Variants in MLLT3 observed in about 807,000 individuals in gnomAD.
MLLT3 encodes the protein protein AF-9.
In MLLT3, 4 loss-of-function variants were observed where a neutral mutation model predicts 53.2. That is an observed-to-expected ratio of 0.08 (90% CI 0.04 to 0.17). The LOEUF (loss-of-function observed/expected upper bound fraction) is 0.17, where lower values mean the gene tolerates loss of function less well. Ranked by LOEUF, MLLT3 falls within the 10% of genes least tolerant of loss-of-function variation. The pLI is 1.00. For missense variants in MLLT3, 569 were observed against 684.0 expected (o/e 0.83, Z 1.87); for synonymous variants, 283 against 230.6 (o/e 1.23, Z -2.06).
At chr9:20,447,053 A>T (rs1055882453) in intron 4 of MLLT3, among the ~76,000 whole-genome samples, 5 of 152,166 alleles carry the variant, frequency 3.3e-5, no homozygotes, top group African/African-American at 9.7e-5. Context: ...GAACTCAAAA[A>T]ATGGGGTCCA....
chr9:20,547,139 AAT>A (rs1277963670), intron 2 of MLLT3, among the ~76,000 whole-genome samples: 1 of 152,144 alleles, frequency 6.6e-6, no homozygotes, highest in Non-Finnish European at 1.5e-5. Context: ...ATATACCAAA[AAT>A]AGTTCCACTT....
At chr9:20,566,302 C>CA (rs1190331009) in intron 2 of MLLT3, among the ~76,000 whole-genome samples, 2 of 150,172 alleles carry the variant, frequency 1.3e-5, no homozygotes, top group African/African-American at 2.4e-5. Context: ...GACTCCATCT[C>CA]AAAAAAAAGA....
At chr9:20,411,121 C>G (rs796408944) in intron 5 of MLLT3, 43 of 152,578 alleles carry the variant, frequency 2.8e-4, no homozygotes, top group African/African-American at 9.6e-4. Context: ...TGGGCCTGCC[C>G]CAAGCCACCA....
chr9:20,361,738 T>C (rs748115047), intron 7 of MLLT3, among the ~76,000 whole-genome samples: 11 of 152,240 alleles, frequency 7.2e-5, no homozygotes, highest in Admixed American at 2.0e-4. Context: ...TTATTTATTC[T>C]ACTGTGCTGA....
chr9:20,370,469 T>C (rs2118666481), intron 5 of MLLT3, among the ~76,000 whole-genome samples: 2 of 151,876 alleles, frequency 1.3e-5, no homozygotes, highest in Middle Eastern at 3.4e-3. Flanking sequence ...CAATTAATAA[T>C]CCTACAATGG....
intron 5 of MLLT3, among the ~76,000 whole-genome samples, chr9:20,369,760 C>A (rs937799765): frequency 2.7e-4 from 41 of 152,082 alleles, no homozygotes; most frequent in Middle Eastern, 3.4e-3. Flanking sequence ...TCTACACACA[C>A]AAAAAAATCA....
At chr9:20,491,539 G>C (rs1456831417) in intron 2 of MLLT3, among the ~76,000 whole-genome samples, 3 of 152,076 alleles carry the variant, frequency 2.0e-5, no homozygotes, top group African/African-American at 7.2e-5. Flanking sequence ...ACATGCAATG[G>C]CTATAGAAGA....
intron 2 of MLLT3, among the ~76,000 whole-genome samples, chr9:20,549,275 A>G (rs1322013905): frequency 1.3e-5 from 2 of 152,220 alleles, no homozygotes; most frequent in Non-Finnish European, 2.9e-5. Flanking sequence ...TGTGTGAGCC[A>G]AAACACTGGA....
chr9:20,406,637 A>T (rs1163296514), intron 5 of MLLT3, among the ~76,000 whole-genome samples: 1 of 152,134 alleles, frequency 6.6e-6, no homozygotes, highest in East Asian at 1.9e-4. Flanking sequence ...TTCTTTCTCT[A>T]TTTATTTAAA....
At chr9:20,405,868 T>C (rs1369868883) in intron 5 of MLLT3, among the ~76,000 whole-genome samples, 1 of 152,154 alleles carries the variant, frequency 6.6e-6, no homozygotes, top group Non-Finnish European at 1.5e-5. Context: ...TCCCAGCACG[T>C]TGGGAGGCCA....
chr9:20,398,586 A>T (rs1342881847), intron 5 of MLLT3, among the ~76,000 whole-genome samples: 1 of 152,122 alleles, frequency 6.6e-6, no homozygotes, highest in Non-Finnish European at 1.5e-5. Flanking sequence ...AGAGCACTGT[A>T]AACATTAGAG....
At chr9:20,351,236 C>A (rs1431202048) in intron 10 of MLLT3, among the ~76,000 whole-genome samples, 1 of 152,176 alleles carries the variant, frequency 6.6e-6, no homozygotes, top group Non-Finnish European at 1.5e-5. Flanking sequence ...TCCCTGCAGA[C>A]AATTCGAAAA....
intron 2 of MLLT3, among the ~76,000 whole-genome samples, chr9:20,471,806 A>C (rs891735102): frequency 6.6e-6 from 1 of 151,832 alleles, no homozygotes; most frequent in African/African-American, 2.4e-5. Flanking sequence ...CTGAGACATA[A>C]TTCTGCCCCT....
intron 8 of MLLT3, among the ~76,000 whole-genome samples, chr9:20,357,363 A>G (rs1821196937): frequency 6.6e-6 from 1 of 152,202 alleles, no homozygotes; most frequent in Admixed American, 6.5e-5. Flanking sequence ...AAATGACGCA[A>G]CACTCTTTAT....
intron 2 of MLLT3, among the ~76,000 whole-genome samples, chr9:20,586,236 T>C (rs972363709): frequency 4.6e-5 from 7 of 151,862 alleles, no homozygotes; most frequent in African/African-American, 1.5e-4. Context: ...GGGAGAACTG[T>C]TTGAGCCCAG....
At chr9:20,547,387 T>C (rs1236950083) in intron 2 of MLLT3, among the ~76,000 whole-genome samples, 1 of 151,988 alleles carries the variant, frequency 6.6e-6, no homozygotes, top group Non-Finnish European at 1.5e-5. Context: ...CTCACGCCTG[T>C]AATCCCAGCA....
At chr9:20,567,258 G>A (rs578087112) in intron 2 of MLLT3, among the ~76,000 whole-genome samples, 18 of 126,352 alleles carry the variant, frequency 1.4e-4, no homozygotes, top group Admixed American at 5.2e-4. Context: ...TAAATTAAAC[G>A]TGTTTCTATA....
chr9:20,486,600 T>C (rs1824820685), intron 2 of MLLT3, among the ~76,000 whole-genome samples: 1 of 152,154 alleles, frequency 6.6e-6, no homozygotes, highest in Admixed American at 6.6e-5. Flanking sequence ...TCTGAAAGAT[T>C]AGCGAAAGTT....
chr9:20,450,489 C>A (rs1380563892), intron 3 of MLLT3, among the ~76,000 whole-genome samples: 1 of 152,160 alleles, frequency 6.6e-6, no homozygotes, highest in African/African-American at 2.4e-5. Flanking sequence ...TCCTATATTT[C>A]TTTTGATTTC....
Sources: allele counts gnomAD v4.1 joint callset (sites outside exome capture counted in the v4.1 genomes callset), GRCh38; gene constraint gnomAD v4.1.1; transcripts MANE v1.5; gene names NCBI Gene and HGNC (gene_info 2026-07-23, HGNC 2026-07-21).